The following ABHD5 variants were observed in gnomAD, a reference collection of about 807,000 sequenced individuals.
The protein encoded by ABHD5 is 1-acylglycerol-3-phosphate O-acyltransferase ABHD5.
In ABHD5, 30 loss-of-function variants were observed where a neutral mutation model predicts 44.9. The ratio of observed to expected loss-of-function variants is 0.67; its 90% CI spans 0.50 to 0.91. ABHD5 has a LOEUF of 0.91. Among genes scored for constraint, ABHD5 ranks in the 40% least tolerant of loss-of-function variants. The pLI, the probability that ABHD5 is intolerant of heterozygous loss-of-function variation, is 0.00. For synonymous variants in ABHD5, 167 were observed against 147.0 expected (o/e 1.14, Z -0.99); for missense variants, 399 against 423.4 (o/e 0.94, Z 0.50).
intron 7 of ABHD5, among the ~76,000 whole-genome samples, chr3:43,731,090 A>C (rs778196253): frequency 2.0e-5 from 3 of 151,934 alleles, no homozygotes; most frequent in Non-Finnish European, 4.4e-5. Context: ...GGCCTCCCAA[A>C]GTGCTGGGAT....
chr3:43,703,994 T>G (rs2084581997), intron 3 of ABHD5, among the ~76,000 whole-genome samples: 1 of 152,130 alleles, frequency 6.6e-6, no homozygotes, highest in African/African-American at 2.4e-5. Context: ...GCAAATTTTC[T>G]TCTCCTGGTT....
intron 3 of ABHD5, among the ~76,000 whole-genome samples, chr3:43,708,113 C>T (rs1412764917): frequency 6.6e-6 from 1 of 152,216 alleles, no homozygotes; most frequent in Non-Finnish European, 1.5e-5. Flanking sequence ...AAACTCAAGG[C>T]CAATTCTAAT....
At chr3:43,692,389 A>G (rs1330624830) in intron 1 of ABHD5, among the ~76,000 whole-genome samples, 3 of 152,198 alleles carry the variant, frequency 2.0e-5, no homozygotes, top group Non-Finnish European at 2.9e-5. Context: ...GTTTGTCACA[A>G]CATTTTTGAC....
intron 7 of ABHD5, among the ~76,000 whole-genome samples, chr3:43,730,527 A>ATT (rs2084906322): frequency 1.1e-5 from 1 of 91,638 alleles, no homozygotes; most frequent in Non-Finnish European, 2.0e-5. Context: ...TTTTTTTGAG[A>ATT]CGGGATCTTC....
intron 3 of ABHD5, chr3:43,707,745 CA>C (rs919301162): frequency 6.6e-6 from 1 of 152,456 alleles, no homozygotes; most frequent in African/African-American, 2.4e-5. Flanking sequence ...TCTCGTGCCT[CA>C]GCTTCCCGAG....
At chr3:43,707,039 A>G (rs1471121364) in intron 3 of ABHD5, among the ~76,000 whole-genome samples, 1 of 152,218 alleles carries the variant, frequency 6.6e-6, no homozygotes, top group Non-Finnish European at 1.5e-5. Flanking sequence ...CTTACTCTAA[A>G]GAACAAATAA....
chr3:43,729,694 C>G (rs1042721364), intron 7 of ABHD5, among the ~76,000 whole-genome samples: 4 of 152,200 alleles, frequency 2.6e-5, no homozygotes, highest in African/African-American at 7.2e-5. Context: ...TGAGATATCA[C>G]AAAGCTACCA....
At chr3:43,732,084 T>C (rs1226536167) in intron 7 of ABHD5, among the ~76,000 whole-genome samples, 1 of 152,064 alleles carries the variant, frequency 6.6e-6, no homozygotes, top group African/African-American at 2.4e-5. Context: ...TAAAAAAAAT[T>C]ATTGTCTTTA....
In ABHD5 at chr3:43,691,052, G is replaced by A. The variant is rs368902140; in HGVS notation, c.47+13G>A. 24 of 1,546,500 alleles carry A rather than the reference G, an allele frequency of 1.6e-5. No homozygotes were observed. In the African/African-American group the frequency reaches 3.0e-4, roughly 19 times the overall value. On this transcript the variant is annotated intron_variant, in intron 1 of 6. Transcript: ENST00000644371. ...ACACCGGAGAGAGGTAAGCGCAGCCGGCAGGGGGCTTCGTGTGTCTCCGGC... is the reference window on the plus strand; with the variant it reads ...ACACCGGAGAGAGGTAAGCGCAGCCAGCAGGGGGCTTCGTGTGTCTCCGGC...
downstream of ABHD5, among the ~76,000 whole-genome samples, chr3:43,725,752 C>G (rs1434248153): frequency 6.6e-6 from 1 of 152,194 alleles, no homozygotes; most frequent in Non-Finnish European, 1.5e-5. Flanking sequence ...AACAACTGGC[C>G]TGTCTCCTCC....
chr3:43,714,834 A>G (rs1559417584), intron 4 of ABHD5, 113 bp from the exon 5 acceptor site: 4 of 686,854 alleles, frequency 5.8e-6, no homozygotes, highest in East Asian at 3.1e-5. Flanking sequence ...ACATATATAT[A>G]TGTGTGCATA....
intron 3 of ABHD5, 129 bp from the exon 4 acceptor site, chr3:43,711,580 G>A (rs149957586): frequency 4.2e-4 from 406 of 977,568 alleles, no homozygotes; most frequent in Admixed American, 8.7e-4. Flanking sequence ...GATCTATTTA[G>A]CACTAATCTT....
chr3:43,699,218 T>C, intron 1 of ABHD5, 58 bp from the exon 2 acceptor site: 1 of 1,399,320 alleles, frequency 7.1e-7, no homozygotes, highest in Non-Finnish European at 1.0e-6. Flanking sequence ...CATGTGACAA[T>C]TGGTAGTTGA....
At chr3:43,713,323 A>C (rs984024684) in intron 4 of ABHD5, among the ~76,000 whole-genome samples, 23 of 121,860 alleles carry the variant, frequency 1.9e-4, no homozygotes, top group Non-Finnish European at 1.0e-4. Flanking sequence ...ACCCTGTCTC[A>C]AAAAAAAAAA....
chr3:43,709,564 G>C (rs1286893979), intron 3 of ABHD5, among the ~76,000 whole-genome samples: 1 of 152,106 alleles, frequency 6.6e-6, no homozygotes, highest in Non-Finnish European at 1.5e-5. Flanking sequence ...AATTGTTTAG[G>C]GTAGGGTATG....
At chr3:43,704,033 C>CTTTTTTTTT (rs10544525) in intron 3 of ABHD5, among the ~76,000 whole-genome samples, 586 of 84,784 alleles carry the variant, frequency 6.9e-3, no homozygotes, top group Non-Finnish European at 0.011. Flanking sequence ...TCTTTATTTT[C>CTTTTTTTTT]TTTTTTTTTT....
chr3:43,702,271 T>C lies in ABHD5; in HGVS notation c.190T>C (p.Trp64Arg). Residue 64 changes from tryptophan to arginine, a missense_variant, in exon 3 of 7, where the codon TGG (tryptophan) becomes CGG (arginine). Physicochemically the swap from Trp to Arg is moderately radical, Grantham distance 101 (BLOSUM62 -3). Coordinates refer to ENST00000644371, the MANE Select transcript of ABHD5 (RefSeq NM_016006.6). ...PVRISNGNKI[W>R]TLKFSHNISN... ...TCGTATATCTAATGGAAATAAAATATGGACACTGAAGTTCTCTCATAATAT... is the reference window on the plus strand; with the variant it reads ...TCGTATATCTAATGGAAATAAAATACGGACACTGAAGTTCTCTCATAATAT... 6.3e-7 allele frequency: 1 copy of C among 1,597,856 alleles called. No individual in the cohort carries two copies. Among genetic ancestry groups the C allele is most frequent in the Non-Finnish European group, 8.6e-7 (1 of 1,169,164 alleles).
intron 1 of ABHD5, among the ~76,000 whole-genome samples, chr3:43,693,057 A>G (rs1269174767): frequency 6.6e-6 from 1 of 152,218 alleles, no homozygotes; most frequent in African/African-American, 2.4e-5. Flanking sequence ...GTTGCAATAC[A>G]GTTGAGAAAG....
At chr3:43,707,211 G>A (rs887951664) in intron 3 of ABHD5, among the ~76,000 whole-genome samples, 1 of 152,112 alleles carries the variant, frequency 6.6e-6, no homozygotes, top group Non-Finnish European at 1.5e-5. Flanking sequence ...CTACGGAAAA[G>A]GAGATTATAG....
Sources: allele counts gnomAD v4.1 joint callset (sites outside exome capture counted in the v4.1 genomes callset), GRCh38; gene constraint gnomAD v4.1.1; transcripts MANE v1.5; gene names NCBI Gene and HGNC (gene_info 2026-07-23, HGNC 2026-07-21).